CDH8: variants seen among roughly 807,000 people sequenced by gnomAD.
CDH8 encodes the protein cadherin 8, also known as cadherin-8.
Under a neutral mutation model 68.1 loss-of-function variants are expected in CDH8, and 17 were observed. The ratio of observed to expected loss-of-function variants is 0.25; its 90% confidence interval spans 0.17 to 0.37. The LOEUF is 0.37. CDH8 is among the 10% of genes least tolerant of loss of function. The pLI, the probability that CDH8 is intolerant of heterozygous loss-of-function variation, is 1.00. For synonymous variants in CDH8, 372 were observed against 365.1 expected (o/e 1.02, Z -0.21); for missense variants, 763 against 999.3 (o/e 0.76, Z 3.19).
intron 3 of CDH8, among the ~76,000 whole-genome samples, chr16:61,893,214 G>A (rs980127125): frequency 6.6e-6 from 1 of 152,080 alleles, no homozygotes; most frequent in Non-Finnish European, 1.5e-5. Context: ...CCCTGTGTGA[G>A]TCTGTATCTT....
At chr16:61,722,366 G>C (rs981761246) in intron 9 of CDH8, among the ~76,000 whole-genome samples, 3 of 150,650 alleles carry the variant, frequency 2.0e-5, no homozygotes, top group Non-Finnish European at 3.0e-5. Context: ...CCTCTGTCTA[G>C]TTGCTTGAAT....
rs535744033 is a variant in CDH8 at position 62,000,710 on chromosome 16, G to A, written c.252+20442C>T. 9.9e-5 allele frequency among the ~76,000 whole-genome samples: 15 copies of A among 152,240 alleles called. No individual in the cohort carries two copies. The South Asian group carries it at 3.1e-3, about 32-fold the overall frequency. On this transcript the variant is annotated intron_variant, in intron 2 of 11. Transcript: ENST00000577390. The stretch of plus-strand genomic sequence containing the variant: ...GAAAGATAAAGCCTTTGGCCAAAAT[G>A]TTGAATTGAAGTTTTTCTCATTTCA...
At chr16:61,816,064 A>T (rs1239132113) in intron 7 of CDH8, among the ~76,000 whole-genome samples, 2 of 152,022 alleles carry the variant, frequency 1.3e-5, no homozygotes, top group South Asian at 4.1e-4. Flanking sequence ...ATAGTTTGTG[A>T]AATTTCTTTA....
At chr16:61,675,509 T>A (rs1963886467) in intron 10 of CDH8, among the ~76,000 whole-genome samples, 1 of 147,080 alleles carries the variant, frequency 6.8e-6, no homozygotes, top group African/African-American at 2.5e-5. Flanking sequence ...AGATGACGAG[T>A]TAGTGGGTGC....
At chr16:61,661,872 T>TA (rs575414127) in intron 10 of CDH8, among the ~76,000 whole-genome samples, 19 of 151,704 alleles carry the variant, frequency 1.3e-4, no homozygotes, top group Admixed American at 2.6e-4. Context: ...TTTCATTTTT[T>TA]AAAAAAAATC....
intron 8 of CDH8, among the ~76,000 whole-genome samples, chr16:61,737,632 T>G: frequency 6.6e-6 from 1 of 152,120 alleles, no homozygotes; most frequent in Non-Finnish European, 1.5e-5. Flanking sequence ...ATTTATCAAA[T>G]CCATAGATTA....
intron 8 of CDH8, among the ~76,000 whole-genome samples, chr16:61,741,908 G>T (rs1443651003): frequency 6.6e-6 from 1 of 151,952 alleles, no homozygotes; most frequent in African/African-American, 2.4e-5. Flanking sequence ...CACACACACA[G>T]AAATTTTGGA....
intron 10 of CDH8, among the ~76,000 whole-genome samples, chr16:61,705,343 G>C (rs1030304630): frequency 1.3e-5 from 2 of 152,120 alleles, no homozygotes; most frequent in African/African-American, 4.8e-5. Flanking sequence ...ATAGGAGCTG[G>C]TAAAGGCATG....
chr16:61,675,876 CTAA>C (rs1390469647), intron 10 of CDH8, among the ~76,000 whole-genome samples: 3 of 150,596 alleles, frequency 2.0e-5, no homozygotes, highest in African/African-American at 7.3e-5. Flanking sequence ...AAACTTTAGA[CTAA>C]TGACAATATT....
chr16:61,649,846 T>C lies in CDH8; in HGVS notation c.*3762A>G, dbSNP rs892160562. 2.6e-4 allele frequency: 39 copies of C among 152,144 alleles called. No individual in the cohort carries two copies. The highest frequency in any genetic ancestry group is 9.2e-4 in the African/African-American group (38 of 41,444). 9.4% of individuals were successfully genotyped at this position (152,144 alleles called of 1,614,324 possible). A position where few individuals can be genotyped will look rare whatever the true frequency, so the allele number is the denominator to read the frequency against. On this transcript the variant is annotated 3_prime_UTR_variant, in exon 12 of 12. Coordinates refer to ENST00000577390, the MANE Select transcript of CDH8 (RefSeq NM_001796.5). ...AAATACAGCATAGCCCAGAACTCTG[T>C]TGAGTCTCAGTGTGGAATCCAGCTG...
At chr16:61,912,421 G>T (rs1227116682) in intron 2 of CDH8, among the ~76,000 whole-genome samples, 2 of 152,000 alleles carry the variant, frequency 1.3e-5, no homozygotes, top group Admixed American at 6.6e-5. Flanking sequence ...AAAAATCCCT[G>T]CTTCAAAGAA....
At chr16:61,694,846 AT>A (rs935617647) in intron 10 of CDH8, among the ~76,000 whole-genome samples, 10 of 151,562 alleles carry the variant, frequency 6.6e-5, no homozygotes, top group Admixed American at 6.6e-4. Flanking sequence ...CAGAGGTGTG[AT>A]CTCGGCTCAC....
At chr16:61,897,893 G>T (rs1963897292) in intron 3 of CDH8, among the ~76,000 whole-genome samples, 1 of 152,128 alleles carries the variant, frequency 6.6e-6, no homozygotes, top group African/African-American at 2.4e-5. Context: ...AGGTGTTTTT[G>T]CTTGCTTGTG....
chr16:61,813,242 A>C (rs1173633917), intron 7 of CDH8, among the ~76,000 whole-genome samples: 1 of 152,166 alleles, frequency 6.6e-6, no homozygotes, highest in East Asian at 1.9e-4. Context: ...CCTAAAGCTT[A>C]TAGGCCCAGT....
intron 2 of CDH8, among the ~76,000 whole-genome samples, chr16:62,004,249 T>C (rs1460207476): frequency 6.6e-6 from 1 of 152,188 alleles, no homozygotes; most frequent in Non-Finnish European, 1.5e-5. Context: ...AAATCTTACA[T>C]AGTACCTTTC....
At chr16:61,981,681 T>TGCGCGCGC (rs1555526842) in intron 2 of CDH8, among the ~76,000 whole-genome samples, 144 of 141,850 alleles carry the variant, frequency 1.0e-3, no homozygotes, top group African/African-American at 3.8e-3. Flanking sequence ...TGTGTGTGTG[T>TGCGCGCGC]GCGCGCGCGC....
intron 8 of CDH8, among the ~76,000 whole-genome samples, chr16:61,736,307 G>C (rs767438255): frequency 6.6e-6 from 1 of 152,142 alleles, no homozygotes; most frequent in Non-Finnish European, 1.5e-5. Flanking sequence ...TATTAGGAGA[G>C]AAATTGGGGG....
intron 7 of CDH8, among the ~76,000 whole-genome samples, chr16:61,800,801 C>T (rs566560311): frequency 7.2e-6 from 1 of 139,014 alleles, no homozygotes; most frequent in Non-Finnish European, 1.5e-5. Context: ...TCCTCTGCAA[C>T]ATTAAGTCAA....
At chr16:61,925,024 C>T (rs80307706) in intron 2 of CDH8, among the ~76,000 whole-genome samples, 1,826 of 152,172 alleles carry the variant, frequency 0.012, 37 homozygotes, top group African/African-American at 0.042. Flanking sequence ...ATAATTAATA[C>T]GCTCCTAAAA....
Sources: allele counts gnomAD v4.1 joint callset (sites outside exome capture counted in the v4.1 genomes callset), GRCh38; gene constraint gnomAD v4.1.1; transcripts MANE v1.5; gene names NCBI Gene and HGNC (gene_info 2026-07-23, HGNC 2026-07-21).